PKP4: variants seen among roughly 807,000 people sequenced by gnomAD.
PKP4 encodes plakophilin 4.
PKP4 carries 90 observed loss-of-function variants against 145.1 expected under a neutral mutation model. The ratio of observed to expected loss-of-function variants is 0.62; its 90% CI spans 0.52 to 0.74. The LOEUF is 0.74. Among genes scored for constraint, PKP4 ranks in the 30% least tolerant of loss-of-function variants. The pLI, the probability that PKP4 is intolerant of heterozygous loss-of-function variation, is 0.00. For synonymous variants in PKP4, 563 were observed against 577.2 expected, an observed-to-expected ratio of 0.98 and a Z score of 0.35; for missense variants, 1,340 against 1,482.7, an observed-to-expected ratio of 0.90 and a Z score of 1.58.
intron 12 of PKP4, chr2:158,660,607 A>T (rs2056473187): frequency 6.6e-6 from 1 of 152,628 alleles, no homozygotes; most frequent in African/African-American, 2.4e-5. Flanking sequence ...ACCATTGTTA[A>T]TGGGACATAA....
intron 4 of PKP4, 145 bp from the exon 5 acceptor site, chr2:158,620,845 A>G (rs1329673693): frequency 1.1e-5 from 7 of 638,456 alleles, no homozygotes; most frequent in East Asian, 2.7e-5. Flanking sequence ...TATAGTTAAG[A>G]GTCAGATGTG....
intron 1 of PKP4, among the ~76,000 whole-genome samples, chr2:158,458,719 T>C (rs1268022147): frequency 6.6e-6 from 1 of 152,180 alleles, no homozygotes; most frequent in Non-Finnish European, 1.5e-5. Flanking sequence ...CTCGTCATAC[T>C]GGGCTGTGTT....
intron 2 of PKP4, among the ~76,000 whole-genome samples, chr2:158,535,092 A>T (rs2043918193): frequency 6.6e-6 from 1 of 152,118 alleles, no homozygotes; most frequent in African/African-American, 2.4e-5. Context: ...AGGATACCAC[A>T]TCTGTGTCTT....
rs192475999 is a variant in PKP4, at chr2:158,502,148, A to G, written c.-5-31032A>G. The stretch of plus-strand genomic sequence containing the variant: ...AGTAGATCATCCACTTGGATTTTTA[A>G]AAAATCATGAAATGATTTTTTTTCA... On this transcript the variant is annotated intron_variant, in intron 1 of 21. Coordinates refer to ENST00000389759, the MANE Select transcript of PKP4 (RefSeq NM_003628.6). 2.3e-3 allele frequency among the ~76,000 whole-genome samples: 353 copies of G among 152,292 alleles called. 2 individuals carry two copies. The highest frequency in any genetic ancestry group is 8.2e-3 in the African/African-American group (342 of 41,558).
intron 1 of PKP4, among the ~76,000 whole-genome samples, chr2:158,475,616 C>T (rs894874737): frequency 1.3e-5 from 2 of 152,148 alleles, no homozygotes; most frequent in African/African-American, 2.4e-5. Context: ...TAAGAAGTGC[C>T]AGTGGGTTAT....
intron 2 of PKP4, among the ~76,000 whole-genome samples, chr2:158,572,168 T>C (rs1358526680): frequency 3.3e-5 from 5 of 151,902 alleles, no homozygotes; most frequent in African/African-American, 1.2e-4. Context: ...AAATACTGTC[T>C]TTGAAAAAAA....
intron 1 of PKP4, among the ~76,000 whole-genome samples, chr2:158,531,750 G>C (rs1022591191): frequency 6.6e-6 from 1 of 152,116 alleles, no homozygotes; most frequent in African/African-American, 2.4e-5. Context: ...CATGTCTCAG[G>C]ATCCTTCTAT....
chr2:158,497,223 G>T (rs1695872190), intron 1 of PKP4, among the ~76,000 whole-genome samples: 1 of 152,160 alleles, frequency 6.6e-6, no homozygotes, highest in Non-Finnish European at 1.5e-5. Flanking sequence ...GAACCTCCAT[G>T]CATTCAACTA....
chr2:158,474,954 G>A (rs1399328744), intron 1 of PKP4, among the ~76,000 whole-genome samples: 1 of 152,146 alleles, frequency 6.6e-6, no homozygotes, highest in Admixed American at 6.5e-5. Context: ...TTTTAACTCA[G>A]TTCTTTTTAC....
intron 11 of PKP4, among the ~76,000 whole-genome samples, chr2:158,652,032 C>T (rs1043689117): frequency 3.3e-5 from 5 of 152,098 alleles, no homozygotes; most frequent in Non-Finnish European, 7.4e-5. Flanking sequence ...TCTCTGCCAG[C>T]GCTGTTCAAT....
chr2:158,621,436 T>G lies in PKP4; in HGVS notation c.603+15T>G, dbSNP rs756469970. ...CACTGGTTCAGGTAAGCCAAACGCA[T>G]CAAGATCTCTGCAAAGAAATACCTT... is the stretch of plus-strand genomic sequence containing the variant. On this transcript the variant is annotated intron_variant, in intron 6 of 21. Coordinates refer to ENST00000389759, the MANE Select transcript of PKP4 (RefSeq NM_003628.6). 3 of 1,608,552 alleles carry G rather than the reference T, an allele frequency of 1.9e-6. No individual in the cohort carries two copies. Among genetic ancestry groups the G allele is most frequent in the Admixed American group, 3.3e-5 (2 of 59,918 alleles).
chr2:158,646,439 T>C (rs2054833513), intron 11 of PKP4, among the ~76,000 whole-genome samples: 1 of 152,224 alleles, frequency 6.6e-6, no homozygotes, highest in South Asian at 2.1e-4. Flanking sequence ...CTAAACATTG[T>C]CTAACTAACA....
chr2:158,671,631 C>T (rs2057562677), intron 17 of PKP4, among the ~76,000 whole-genome samples: 1 of 152,198 alleles, frequency 6.6e-6, no homozygotes, highest in South Asian at 2.1e-4. Flanking sequence ...GTACTTACTG[C>T]CTGCCTGCTG....
chr2:158,678,344 AAC>A (rs1335449264), intron 20 of PKP4, among the ~76,000 whole-genome samples: 1 of 152,162 alleles, frequency 6.6e-6, no homozygotes, highest in Non-Finnish European at 1.5e-5. Context: ...TTTTTGGGGA[AAC>A]ACACACAGCC....
At chr2:158,634,667 C>CA (rs1230711385) in intron 9 of PKP4, among the ~76,000 whole-genome samples, 1 of 152,120 alleles carries the variant, frequency 6.6e-6, no homozygotes, top group African/African-American at 2.4e-5. Flanking sequence ...ATAACAGCTT[C>CA]AAAAAATGGA....
intron 2 of PKP4, among the ~76,000 whole-genome samples, chr2:158,559,583 G>A (rs1211115375): frequency 2.0e-5 from 3 of 151,996 alleles, no homozygotes; most frequent in African/African-American, 4.8e-5. Flanking sequence ...TTGCAATTGC[G>A]GCTTCCTGCT....
At chr2:158,555,229 A>G (rs1430108151) in intron 2 of PKP4, among the ~76,000 whole-genome samples, 1 of 152,138 alleles carries the variant, frequency 6.6e-6, no homozygotes, top group Non-Finnish European at 1.5e-5. Context: ...TTAAGGTTTG[A>G]GTTGTTCAGT....
intron 1 of PKP4, among the ~76,000 whole-genome samples, chr2:158,482,013 TAG>T (rs1693432764): frequency 6.6e-6 from 1 of 152,254 alleles, no homozygotes; most frequent in Non-Finnish European, 1.5e-5. Context: ...GTAAAGTTTA[TAG>T]AGTTTTCAGT....
At chr2:158,590,898 A>G (rs913561791) in intron 3 of PKP4, among the ~76,000 whole-genome samples, 2 of 152,144 alleles carry the variant, frequency 1.3e-5, no homozygotes, top group Admixed American at 6.5e-5. Flanking sequence ...TCTTATGTTA[A>G]TATCACAGAA....
Sources: gnomAD v4.1 joint callset for allele counts (sites outside exome capture counted in the v4.1 genomes callset) on GRCh38, gnomAD v4.1.1 for gene constraint, MANE v1.5 for transcripts, NCBI Gene and HGNC (gene_info 2026-07-23, HGNC 2026-07-21) for gene names.